Variants in SENP8 observed in about 807,000 individuals in gnomAD.
The protein encoded by SENP8 is sentrin-specific protease 8.
In SENP8, 10 loss-of-function variants were observed where a neutral mutation model predicts 14.4. That is an observed-to-expected ratio of 0.69 (90% confidence interval 0.43 to 1.18). SENP8 has a LOEUF of 1.18. Ranked by LOEUF, SENP8 falls within the 50% of genes most tolerant of loss-of-function variation. The pLI is 0.00. For synonymous variants in SENP8, 94 were observed against 95.5 expected (o/e 0.98, Z 0.09); for missense variants, 202 against 249.4 (o/e 0.81, Z 1.28).
At position 72,137,719 on chromosome 15, in the gene SENP8, T is replaced by C. The variant is rs2081340080; in HGVS notation, c.-47-1858T>C. ...CAGGCGCGGTGGCTCACGTCTGTAA[T>C]CCCAGCACTTTGGGTGGCTGAGGTG... On this transcript the variant is annotated intron_variant, in intron 1 of 1. Transcript: ENST00000340912. Among the ~76,000 whole-genome samples, 4 of 152,196 alleles carry C rather than the reference T, an allele frequency of 2.6e-5. No homozygotes were observed. In the South Asian group the frequency reaches 8.3e-4, roughly 31 times the overall value.
intron 1 of SENP8, chr15:72,135,063 GT>G: frequency 6.7e-6 from 2 of 298,968 alleles, no homozygotes; most frequent in South Asian, 3.0e-5. Context: ...TTTTTTGTTT[GT>G]TTTTTGTTTG....
At chr15:72,119,476 C>T (rs1477328742) in intron 1 of SENP8, among the ~76,000 whole-genome samples, 1 of 152,076 alleles carries the variant, frequency 6.6e-6, no homozygotes, top group South Asian at 2.1e-4. Context: ...TAGCCGGGCG[C>T]GGTGGCTCAC....
Position 72,140,306 on chromosome 15 carries a change from C to T in SENP8, c.*44C>T, listed in dbSNP as rs1355633584. On this transcript the variant is annotated 3_prime_UTR_variant, in exon 2 of 2. Transcript: ENST00000340912. Reference sequence around the variant, plus strand: ...GACTTTTGAAGGCTCCTCTTTCTGCCCTTCCCCATTTGTTGGATGGCTGCA... The same window carrying T: ...GACTTTTGAAGGCTCCTCTTTCTGCTCTTCCCCATTTGTTGGATGGCTGCA... 3.5e-6 allele frequency: 5 copies of T among 1,413,202 alleles called. No individual in the cohort carries two copies. The highest frequency in any genetic ancestry group is 2.8e-5 in the African/African-American group (2 of 70,856). The allele number at this position is 1,413,202 out of a possible 1,614,324, so 87.5% of individuals were successfully genotyped here.
At chr15:72,130,556 G>GTTTTT (rs1300114690) in intron 1 of SENP8, among the ~76,000 whole-genome samples, 1 of 107,332 alleles carries the variant, frequency 9.3e-6, no homozygotes, top group Admixed American at 1.1e-4. Flanking sequence ...AATGTTTTAG[G>GTTTTT]ATTTTTTTTT....
chr15:72,118,263 C>T (rs2081081676), upstream of SENP8: 1 of 313,728 alleles, frequency 3.2e-6, no homozygotes, highest in Non-Finnish European at 5.8e-6. Context: ...CGCCCCCTTT[C>T]CTACGCCCCA....
chr15:72,137,296 A>C (rs113858317), intron 1 of SENP8, among the ~76,000 whole-genome samples: 1 of 148,444 alleles, frequency 6.7e-6, no homozygotes, highest in Non-Finnish European at 1.5e-5. Flanking sequence ...AAAAAGGCGT[A>C]TACCTTTTTA....
chr15:72,138,758 C>T (rs1258630609), intron 1 of SENP8, among the ~76,000 whole-genome samples: 7 of 150,952 alleles, frequency 4.6e-5, no homozygotes, highest in Admixed American at 1.3e-4. Flanking sequence ...GTCAGGAATT[C>T]GAGACCAGCC....
upstream of SENP8, chr15:72,117,731 T>G: frequency 2.5e-6 from 1 of 397,386 alleles, no homozygotes; most frequent in Non-Finnish European, 4.4e-6. Context: ...CGACGGAAGC[T>G]GCCTTCCACC....
In SENP8 at chr15:72,125,863, G is replaced by A. The variant is rs540568485; in HGVS notation, c.-48+7399G>A. ...TTTTGAGATGGAGTCTCACTCTGTC[G>A]CCCAGGCTGTAGTGCAGTGGGGTGA... On this transcript the variant is annotated intron_variant, in intron 1 of 1. Transcript: ENST00000340912. Among the ~76,000 whole-genome samples, 104 of 151,156 alleles carry A rather than the reference G, an allele frequency of 6.9e-4. 1 individual carries two copies. The highest frequency in any genetic ancestry group is 2.3e-3 in the African/African-American group (95 of 41,124).
intron 1 of SENP8, chr15:72,135,466 T>TA (rs2081318708): frequency 1.3e-5 from 2 of 151,906 alleles, no homozygotes; most frequent in African/African-American, 2.4e-5. Flanking sequence ...ATAGAAAATA[T>TA]TTTCACTTTA....
At chr15:72,138,667 T>C (rs2081350083) in intron 1 of SENP8, among the ~76,000 whole-genome samples, 1 of 150,224 alleles carries the variant, frequency 6.7e-6, no homozygotes, top group Non-Finnish European at 1.5e-5. Context: ...AGGATTTGAC[T>C]CCCTAAAAAA....
chr15:72,121,140 T>A (rs981533623), intron 1 of SENP8, among the ~76,000 whole-genome samples: 14 of 152,330 alleles, frequency 9.2e-5, no homozygotes, highest in Middle Eastern at 3.4e-3. Context: ...TCCCACTGTT[T>A]CCTAATAACC....
At chr15:72,138,269 CTTATAG>C (rs2081345958) in intron 1 of SENP8, among the ~76,000 whole-genome samples, 1 of 151,700 alleles carries the variant, frequency 6.6e-6, no homozygotes, top group Admixed American at 6.6e-5. Context: ...GCTAGAATTT[CTTATAG>C]TTACAGTTGA....
At chr15:72,125,423 AGT>A (rs1012826231) in intron 1 of SENP8, among the ~76,000 whole-genome samples, 1 of 152,118 alleles carries the variant, frequency 6.6e-6, no homozygotes, top group African/African-American at 2.4e-5. Context: ...TAGTCATGTA[AGT>A]GTATTAACTA....
chr15:72,127,516 G>T (rs931919130), intron 1 of SENP8, among the ~76,000 whole-genome samples: 2 of 152,146 alleles, frequency 1.3e-5, no homozygotes, highest in Admixed American at 1.3e-4. Context: ...GTCTTAGTGG[G>T]CAAGCAGGGA....
chr15:72,138,733 C>T (rs1415818744), intron 1 of SENP8, among the ~76,000 whole-genome samples: 8 of 151,036 alleles, frequency 5.3e-5, no homozygotes, highest in East Asian at 2.0e-4. Context: ...GAGGCTGAGG[C>T]GGGCGGATCA....
intron 1 of SENP8, among the ~76,000 whole-genome samples, chr15:72,137,266 G>T (rs541935773): frequency 7.1e-5 from 10 of 141,746 alleles, no homozygotes; most frequent in Admixed American, 1.4e-4. Flanking sequence ...ATGATTAAAT[G>T]ATTTTATATG....
chr15:72,130,859 G>A (rs568890710), intron 1 of SENP8, among the ~76,000 whole-genome samples: 122 of 152,204 alleles, frequency 8.0e-4, no homozygotes, highest in African/African-American at 2.6e-3. Context: ...CACTGCGCCC[G>A]GCAGGATTTT....
At chr15:72,119,552 T>C (rs938715616) in intron 1 of SENP8, among the ~76,000 whole-genome samples, 5 of 152,082 alleles carry the variant, frequency 3.3e-5, no homozygotes, top group African/African-American at 1.2e-4. Context: ...ATCGAGACCA[T>C]CCAGGCCAAC....
Sources: allele counts gnomAD v4.1 joint callset (sites outside exome capture counted in the v4.1 genomes callset), GRCh38; gene constraint gnomAD v4.1.1; transcripts MANE v1.5; gene names NCBI Gene and HGNC (gene_info 2026-07-23, HGNC 2026-07-21).